OGT: variants seen among roughly 807,000 people sequenced by gnomAD.
The protein encoded by OGT is UDP-N-acetylglucosamine--peptide N-acetylglucosaminyltransferase 110 kDa subunit.
A neutral mutation model predicts 75.8 loss-of-function variants in OGT; 3 were observed. The ratio of observed to expected loss-of-function variants is 0.04; its 90% confidence interval spans 0.02 to 0.10. The LOEUF (loss-of-function observed/expected upper bound fraction) is 0.10. Among genes scored for constraint, OGT ranks in the 10% least tolerant of loss-of-function variants. The pLI is 1.00. For synonymous variants in OGT, 257 were observed against 289.7 expected, an observed-to-expected ratio of 0.89 and a Z score of 1.15; for missense variants, 260 against 824.4, an observed-to-expected ratio of 0.32 and a Z score of 8.38.
chrX:71,563,055 A>G (rs1251147889), intron 16 of OGT, 38 bp downstream of exon 16: 2 of 1,192,202 alleles, frequency 1.7e-6, no homozygotes, highest in South Asian at 1.8e-5. Flanking sequence ...ATTTCAAAGA[A>G]CTGTAGCTTT....
intron 1 of OGT, among the ~76,000 whole-genome samples, chrX:71,533,588 C>G (rs1385519338): frequency 9.0e-6 from 1 of 111,515 alleles, no homozygotes; most frequent in Non-Finnish European, 1.9e-5. Context: ...CGTAAATGTT[C>G]TAGCATTCCA....
chrX:71,563,452 A>G lies in OGT; in HGVS notation c.2389A>G (p.Ile797Val). ...AATGATTAACCGAGGACAGATTCAA[A>G]TAACAATTAATGGATTCAGTATTAG... ...IEMINRGQIQITINGFSISNG... is the reference protein window; with the variant it reads ...IEMINRGQIQVTINGFSISNG... Residue 797 changes from isoleucine (I) to valine (V), a missense_variant, in exon 18 of 22, where the codon ATA becomes GTA. By Grantham distance (29) the Ile-to-Val change is conservative. Transcript: ENST00000373719. 8.3e-7 allele frequency: 1 copy of G among 1,207,132 alleles called. No individual in the cohort carries two copies. Among genetic ancestry groups the G allele is most frequent in the Non-Finnish European group, 1.1e-6 (1 of 892,484 alleles).
At chrX:71,562,709 C>A in intron 15 of OGT, 138 bp from the exon 16 acceptor site, 1 of 517,433 alleles carries the variant, frequency 1.9e-6, no homozygotes. Flanking sequence ...CCTTTAGGTT[C>A]TTTTTTTAAA....
chrX:71,536,409 C>A, intron 2 of OGT, 51 bp downstream of exon 2: 2 of 974,152 alleles, frequency 2.1e-6, no homozygotes, highest in Admixed American at 4.0e-5. Context: ...GGGTGCTGAG[C>A]TTGAAAAATG....
intron 1 of OGT, 141 bp downstream of exon 1, chrX:71,533,477 G>A: frequency 1.8e-6 from 1 of 550,488 alleles, no homozygotes; most frequent in Non-Finnish European, 3.0e-6. Flanking sequence ...TGGTCTACTG[G>A]CATCTGATCA....
chrX:71,573,509 G>A (rs772703519), intron 21 of OGT, 111 bp from the exon 22 acceptor site: 147 of 565,452 alleles, frequency 2.6e-4, no homozygotes, highest in Non-Finnish European at 3.8e-4. Context: ...ATGAGATAGC[G>A]TAGAGTTTGG....
chrX:71,541,786 A>T (rs1329384044), intron 3 of OGT, among the ~76,000 whole-genome samples: 1 of 108,907 alleles, frequency 9.2e-6, no homozygotes, highest in African/African-American at 3.4e-5. Flanking sequence ...TTTACTTCAT[A>T]TGTATGTACG....
chrX:71,567,591 G>A lies in OGT; in HGVS notation c.2681G>A (p.Gly894Asp). 1 of 1,208,871 alleles carries A rather than the reference G, an allele frequency of 8.3e-7. No individual in the cohort carries two copies. Among genetic ancestry groups the A allele is most frequent in the Non-Finnish European group, 1.1e-6 (1 of 893,466 alleles). ...PNIQQYAQNM[G>D]LPQNRIIFSP... is the part of the protein sequence containing the mutation. Reference sequence around the variant, plus strand: ...ATTCAACAGTATGCACAAAACATGGGCCTGCCCCAGAACCGTATCATTTTT... The same window carrying A: ...ATTCAACAGTATGCACAAAACATGGACCTGCCCCAGAACCGTATCATTTTT... The change falls in exon 20 of 22, where the codon GGC becomes GAC. Residue 894 changes from glycine to aspartate, a missense_variant. Around this residue, in one of 6 missense-constraint regions of OGT, gnomAD observed 79 missense variants for 141.0 expected, o/e 0.56. Transcript: ENST00000373719.
Position 71,533,296 on chromosome X carries a change from C to T in OGT, c.-4C>T, listed in dbSNP as rs1355117938. On this transcript the variant is annotated 5_prime_UTR_variant, in exon 1 of 22. Transcript: ENST00000373719. ...CTTTTTTGCTCTCCCTCGAGAAGCT[C>T]CAGATGGCGTCTTCCGTGGGCAACG... The T allele has an allele frequency of 2.5e-6, 3 of 1,197,431 alleles. No individual in the cohort carries two copies. Among genetic ancestry groups the T allele is most frequent in the Non-Finnish European group, 3.4e-6 (3 of 888,827 alleles).
At chrX:71,559,501 G>A in intron 13 of OGT, 76 bp downstream of exon 13, 3 of 1,139,245 alleles carry the variant, frequency 2.6e-6, no homozygotes, top group South Asian at 1.9e-5. Flanking sequence ...GTCACCATGA[G>A]GCATGGAAAC....
In OGT at chrX:71,543,762, GTGTGTATATATATATA is replaced by G. The variant is rs1299317305; in HGVS notation, c.463-803_463-788del. ...TGTGTGTGTGTGTGTGTGTGTGTGT[GTGTGTATATATATATA>G]TATATATATATATATTTCCTTTTTT... On this transcript the variant is annotated intron_variant, in intron 3 of 21. Transcript: ENST00000373719. Among the ~76,000 whole-genome samples the G allele has an allele frequency of 3.6e-4, 22 of 60,809 alleles. No homozygotes were observed. The East Asian group carries it at 0.013, about 37-fold the overall frequency. The allele number at this position is 60,809 out of a possible 115,157, so 52.8% of individuals were successfully genotyped here. A position where few individuals can be genotyped will look rare whatever the true frequency, so the allele number is the denominator to read the frequency against.
In OGT at chrX:71,575,793, A is replaced by G. The variant is rs937506009; in HGVS notation, c.*1999A>G. 2.7e-5 allele frequency: 3 copies of G among 112,151 alleles called. No individual in the cohort carries two copies. The highest frequency in any genetic ancestry group is 3.8e-5 in the Non-Finnish European group (2 of 53,191). 9.2% of individuals were successfully genotyped at this position (112,151 alleles called of 1,213,427 possible). A position where few individuals can be genotyped will look rare whatever the true frequency, so the allele number is the denominator to read the frequency against. Reference sequence around the variant, plus strand: ...ACTGGAAACTAATTGTTTTTTTTCTATTGTACTCTGCTTTATCAAAGAAGT... The same window carrying G: ...ACTGGAAACTAATTGTTTTTTTTCTGTTGTACTCTGCTTTATCAAAGAAGT... On this transcript the variant is annotated 3_prime_UTR_variant, in exon 22 of 22. Coordinates refer to ENST00000373719, the MANE Select transcript of OGT (RefSeq NM_181672.3).
intron 2 of OGT, among the ~76,000 whole-genome samples, chrX:71,537,273 G>A (rs995373202): frequency 1.1e-4 from 12 of 107,960 alleles, no homozygotes; most frequent in African/African-American, 4.1e-4. Context: ...CGGCCAATGT[G>A]GTAGTTTTGT....
At chrX:71,535,131 T>G (rs1432195615) in intron 1 of OGT, among the ~76,000 whole-genome samples, 3 of 110,731 alleles carry the variant, frequency 2.7e-5, no homozygotes, top group South Asian at 3.8e-4. Flanking sequence ...AGCAGTTTTT[T>G]TTTTTTTTTT....
At chrX:71,571,537 T>TA (rs1349641807) in intron 21 of OGT, among the ~76,000 whole-genome samples, 1 of 111,859 alleles carries the variant, frequency 8.9e-6, no homozygotes, top group Non-Finnish European at 1.9e-5. Context: ...TAGCTGGAAA[T>TA]ACAAGCATGA....
At chrX:71,535,569 G>A (rs1325232853) in intron 1 of OGT, among the ~76,000 whole-genome samples, 2 of 111,485 alleles carry the variant, frequency 1.8e-5, no homozygotes, top group Non-Finnish European at 3.8e-5. Context: ...TGACTTTTTG[G>A]TTTTTCCCTT....
In OGT at chrX:71,557,651, C is replaced by T. The variant is rs778009641; in HGVS notation, c.1581C>T (p.His527=). 21 of 1,199,157 alleles carry T rather than the reference C, an allele frequency of 1.8e-5. No individual in the cohort carries two copies. The highest frequency in any genetic ancestry group is 9.2e-5 in the South Asian group (5 of 54,550). The part of the protein sequence containing the change: ...HGFRKAIAER[H]GNLCLDKINV... Reference sequence around the variant, plus strand: ...TCAGGAAGGCTATTGCTGAGAGGCACGGCAACCTGTGCTTAGATAAGGTGT... The same window carrying T: ...TCAGGAAGGCTATTGCTGAGAGGCATGGCAACCTGTGCTTAGATAAGGTGT... The change falls in exon 12 of 22, where the codon CAC becomes CAT. Residue 527 remains histidine (H), a synonymous_variant. Coordinates refer to ENST00000373719, the MANE Select transcript of OGT (RefSeq NM_181672.3).
At chrX:71,569,953 CT>C (rs1263834697) in intron 21 of OGT, among the ~76,000 whole-genome samples, 1 of 102,671 alleles carries the variant, frequency 9.7e-6, no homozygotes, top group African/African-American at 3.6e-5. Flanking sequence ...CCAGGCTGGT[CT>C]TGAACTCCTG....
rs368768611 is a variant in OGT at position 71,538,049 on chromosome X, G to A, written c.439G>A (p.Val147Ile). Reference sequence around the variant, plus strand: ...CATGGAAGGGGCAGTACAAGCTTACGTCTCTGCTCTTCAGTACAATCCTGT... The same window carrying A: ...CATGGAAGGGGCAGTACAAGCTTACATCTCTGCTCTTCAGTACAATCCTGT... ...GDMEGAVQAY[V>I]SALQYNPDLY... Residue 147 changes from valine to isoleucine, a missense_variant, in exon 3 of 22, where the codon GTC becomes ATC. Val to Ile is a conservative substitution (Grantham distance 29). Transcript: ENST00000373719. The A allele has an allele frequency of 7.4e-6, 9 of 1,211,410 alleles. No individual in the cohort carries two copies. The highest frequency in any genetic ancestry group is 3.0e-5 in the East Asian group (1 of 33,861).
Sources: gnomAD v4.1 joint callset for allele counts (sites outside exome capture counted in the v4.1 genomes callset) on GRCh38, gnomAD v4.1.1 for gene constraint, gnomAD v4.1.1 regional missense constraint, MANE v1.5 for transcripts, NCBI Gene and HGNC (gene_info 2026-07-23, HGNC 2026-07-21) for gene names.